The following SELP variants were observed in gnomAD, a reference collection of about 807,000 sequenced individuals.
The protein encoded by SELP is selectin P.
In SELP, 92 loss-of-function variants were observed where a neutral mutation model predicts 104.1. That is an observed-to-expected ratio of 0.88 (90% CI 0.75 to 1.05). SELP has a LOEUF of 1.05. SELP is among the 50% of genes least tolerant of loss of function. SELP has a pLI of 0.00. For missense variants in SELP, 1,022 were observed against 1,017.3 expected, an observed-to-expected ratio of 1.00 and a Z score of -0.06; for synonymous variants, 397 against 364.5, an observed-to-expected ratio of 1.09 and a Z score of -1.01.
At chr1:169,626,359 A>C (rs1663373351) in intron 1 of SELP, among the ~76,000 whole-genome samples, 1 of 152,262 alleles carries the variant, frequency 6.6e-6, no homozygotes, top group Non-Finnish European at 1.5e-5. Context: ...AGGCAGGCAG[A>C]TCCCTTGAGG....
At position 169,611,660 on chromosome 1, in the gene SELP, G is replaced by C. The variant is rs376373494; in HGVS notation, c.979C>G (p.Leu327Val). Reference sequence around the variant, plus strand: ...ATGGTTCCTTCACTGGGGGCTTCCAGGTGCTGACACTGCACAGCTGGAGAG... The same window carrying C: ...ATGGTTCCTTCACTGGGGGCTTCCACGTGCTGACACTGCACAGCTGGAGAG... ...PVCKAVQCQH[L>V]EAPSEGTMDC... The change falls in exon 7 of 17, where the codon CTG becomes GTG. Residue 327 changes from leucine to valine, a missense_variant. Leu to Val is a conservative substitution (Grantham distance 32). Transcript: ENST00000263686. 3.1e-6 allele frequency: 5 copies of C among 1,613,906 alleles called. No homozygotes were observed. In the African/African-American group the frequency reaches 5.3e-5, roughly 17 times the overall value.
At position 169,590,270 on chromosome 1, in the gene SELP, T is replaced by C. The variant is rs1257416676; in HGVS notation, c.2439-68A>G. 2.6e-6 allele frequency: 3 copies of C among 1,160,968 alleles called. No homozygotes were observed. The East Asian group carries it at 7.1e-5, about 27-fold the overall frequency. 71.9% of individuals were successfully genotyped at this position (1,160,968 alleles called of 1,614,324 possible). ...GTTCTCGACAACACAGTCCAACACA[T>C]AGTATTTCCAGAAACCACAAATTAC... On this transcript the variant is annotated intron_variant, in intron 15 of 16. Transcript: ENST00000263686.
Position 169,603,035 on chromosome 1 carries a change from T to C in SELP, c.1696A>G (p.Met566Val), listed in dbSNP as rs769825695. The change falls in exon 10 of 17, where the codon ATG (methionine) becomes GTG (valine). Residue 566 changes from methionine (M) to valine (V), a missense_variant. Coordinates refer to ENST00000263686, the MANE Select transcript of SELP (RefSeq NM_003005.4). ...CAGACCCACAGCCTACCTTCACACA[T>C]TGGTGGGGAGTCTGTCCAGCGTCCC... ...RSGRWTDSPP[M>V]CEAIKCPELF... The C allele has an allele frequency of 6.2e-7, 1 of 1,612,176 alleles. No homozygotes were observed. The highest frequency in any genetic ancestry group is 8.5e-7 in the Non-Finnish European group (1 of 1,178,580).
rs57079522 is a variant in SELP at position 169,621,428 on chromosome 1, TTGTGTGTGTGTG to T, written c.4-2221_4-2210del. Among the ~76,000 whole-genome samples the T allele has an allele frequency of 1.4e-3, 187 of 130,542 alleles. 2 individuals carry two copies. Among genetic ancestry groups the T allele is most frequent in the Middle Eastern group, 4.2e-3 (1 of 236 alleles). The allele number at this position is 130,542 out of a possible 152,430, so 85.6% of individuals were successfully genotyped here. ...GTAGGGTGCATGGGACAGTGTGAGG[TTGTGTGTGTGTG>T]TGTGTGTGTGTGTGTGTGTGTGTCA... On this transcript the variant is annotated intron_variant, in intron 1 of 16. Coordinates refer to ENST00000263686, the MANE Select transcript of SELP (RefSeq NM_003005.4).
At chr1:169,602,958 T>C (rs1270166340) in intron 10 of SELP, 68 bp downstream of exon 10, 1 of 1,355,342 alleles carries the variant, frequency 7.4e-7, no homozygotes, top group Non-Finnish European at 1.0e-6. Context: ...TTTATATAAA[T>C]CCCTGATGAT....
At chr1:169,619,650 A>G (rs1662993195) in intron 1 of SELP, among the ~76,000 whole-genome samples, 1 of 152,172 alleles carries the variant, frequency 6.6e-6, no homozygotes, top group Non-Finnish European at 1.5e-5. Flanking sequence ...TGTCTAACCT[A>G]TACTTTGAGG....
chr1:169,605,757 G>A (rs1047187201), intron 9 of SELP, among the ~76,000 whole-genome samples: 2 of 152,082 alleles, frequency 1.3e-5, no homozygotes, highest in African/African-American at 4.8e-5. Context: ...GCCTAACAGT[G>A]TCTATTTTAG....
At chr1:169,620,185 G>A (rs1270253910) in intron 1 of SELP, among the ~76,000 whole-genome samples, 1 of 152,100 alleles carries the variant, frequency 6.6e-6, no homozygotes, top group African/African-American at 2.4e-5. Flanking sequence ...TCTATCCGGG[G>A]CGACAGTGCA....
chr1:169,606,768 C>T (rs905474472), intron 9 of SELP, among the ~76,000 whole-genome samples, 181 bp downstream of exon 9: 10 of 152,148 alleles, frequency 6.6e-5, no homozygotes, highest in Admixed American at 2.0e-4. Flanking sequence ...ATCTGCCTAT[C>T]CCCCGGAGGC....
intron 1 of SELP, among the ~76,000 whole-genome samples, chr1:169,621,951 G>C (rs904345122): frequency 6.6e-6 from 1 of 152,166 alleles, no homozygotes; most frequent in East Asian, 1.9e-4. Context: ...CTTCAAACCA[G>C]GATAAGGCTG....
At chr1:169,599,831 G>A (rs1478568166) in intron 10 of SELP, among the ~76,000 whole-genome samples, 1 of 152,112 alleles carries the variant, frequency 6.6e-6, no homozygotes, top group Non-Finnish European at 1.5e-5. Context: ...GAGTAAGCAG[G>A]CACATGGCAG....
rs148189537 is a variant in SELP at position 169,612,866 on chromosome 1, T to C, written c.775+63A>G. On this transcript the variant is annotated intron_variant, in intron 5 of 16. Transcript: ENST00000263686. The stretch of plus-strand genomic sequence containing the variant: ...CACATTTTTTAATGGAGAAAGCTCA[T>C]TGTGTCCTCTTCTCCCCCAAAATTC... 2,509 of 1,357,500 alleles carry C rather than the reference T, an allele frequency of 1.8e-3. 3 individuals are homozygous for C. Among genetic ancestry groups the C allele is most frequent in the Non-Finnish European group, 2.0e-3 (1,979 of 1,000,662 alleles). 84.1% of individuals were successfully genotyped at this position (1,357,500 alleles called of 1,614,324 possible).
chr1:169,627,199 A>T (rs1021002418), intron 1 of SELP, among the ~76,000 whole-genome samples: 1 of 152,218 alleles, frequency 6.6e-6, no homozygotes, highest in African/African-American at 2.4e-5. Context: ...CAGCTAATAC[A>T]TTAGTTCCCT....
chr1:169,625,252 C>T (rs1197607175), intron 1 of SELP, among the ~76,000 whole-genome samples: 1 of 152,188 alleles, frequency 6.6e-6, no homozygotes, highest in Non-Finnish European at 1.5e-5. Context: ...GCCTAAAATG[C>T]TTCCCTTAGC....
chr1:169,604,099 C>T (rs941679820), intron 9 of SELP, among the ~76,000 whole-genome samples: 1 of 152,066 alleles, frequency 6.6e-6, no homozygotes, highest in Non-Finnish European at 1.5e-5. Context: ...TCTCCACATC[C>T]TCTCCAGCAC....
rs554895165 is a variant in SELP, at chr1:169,596,184, G to A, written c.1892-50C>T. ...CAGAGACCTCCCAATTAAAAGAAGCGTTAACAGAGTTAAGGCTAATCTGGA... is the reference window on the plus strand; with the variant it reads ...CAGAGACCTCCCAATTAAAAGAAGCATTAACAGAGTTAAGGCTAATCTGGA... On this transcript the variant is annotated intron_variant, in intron 11 of 16. Coordinates refer to ENST00000263686, the MANE Select transcript of SELP (RefSeq NM_003005.4). 8.1e-5 allele frequency: 122 copies of A among 1,505,488 alleles called. No homozygotes were observed. The Middle Eastern group carries it at 1.4e-3, about 17-fold the overall frequency. The allele number at this position is 1,505,488 out of a possible 1,614,324, so 93.3% of individuals were successfully genotyped here. A position where few individuals can be genotyped will look rare whatever the true frequency, so the allele number is the denominator to read the frequency against.
intron 11 of SELP, 117 bp downstream of exon 11, chr1:169,596,874 C>A: frequency 1.1e-6 from 1 of 895,656 alleles, no homozygotes; most frequent in Non-Finnish European, 1.6e-6. Context: ...GTTTGCTAAA[C>A]CCAAATAATG....
Position 169,612,376 on chromosome 1 carries a change from G to C in SELP, c.802C>G (p.Pro268Ala). The part of the protein sequence containing the change: ...LAAQCPPLKI[P>A]ERGNMTCLHS... ...AGGCAGGTCATGTTTCCTCGTTCAGGAATCTTCAGGGGTGGGCACTGGGCA... is the reference window on the plus strand; with the variant it reads ...AGGCAGGTCATGTTTCCTCGTTCAGCAATCTTCAGGGGTGGGCACTGGGCA... The change falls in exon 6 of 17, where the codon CCT becomes GCT. Residue 268 changes from proline (P) to alanine (A), a missense_variant. Transcript: ENST00000263686. The C allele has an allele frequency of 6.2e-7, 1 of 1,614,072 alleles. No individual in the cohort carries two copies. The highest frequency in any genetic ancestry group is 1.1e-5 in the South Asian group (1 of 91,074).
At position 169,593,661 on chromosome 1, in the gene SELP, C is replaced by T. The variant is rs776309423; in HGVS notation, c.2351G>A (p.Gly784Asp). Residue 784 changes from glycine to aspartate, a missense_variant, in exon 14 of 17, where the codon GGT becomes GAT. Physicochemically the swap from Gly to Asp is moderately conservative, Grantham distance 94 (BLOSUM62 -1). Coordinates refer to ENST00000263686, the MANE Select transcript of SELP (RefSeq NM_003005.4). ...CAGGAGCGTCCCACCCATTATCAGA[C>T]CTATCGTAGAAGCCACCGCTCCACC... The part of the protein sequence containing the change: ...YFGGAVASTI[G>D]LIMGGTLLAL... 2 of 1,613,474 alleles carry T rather than the reference C, an allele frequency of 1.2e-6. No individual in the cohort carries two copies. Among genetic ancestry groups the T allele is most frequent in the Admixed American group, 1.7e-5 (1 of 59,948 alleles).
Sources: gnomAD v4.1 joint callset for allele counts (sites outside exome capture counted in the v4.1 genomes callset) on GRCh38, gnomAD v4.1.1 for gene constraint, MANE v1.5 for transcripts, NCBI Gene and HGNC (gene_info 2026-07-23, HGNC 2026-07-21) for gene names.